PNPT1: variants seen among roughly 807,000 people sequenced by gnomAD.
PNPT1 encodes the protein polyribonucleotide nucleotidyltransferase 1, mitochondrial.
In PNPT1, 53 loss-of-function variants were observed where a neutral mutation model predicts 119.5. That is an observed-to-expected ratio of 0.44 (90% CI 0.36 to 0.56). PNPT1 has a LOEUF of 0.56. PNPT1 is among the 20% of genes least tolerant of loss of function. PNPT1 has a pLI of 0.00. For missense variants in PNPT1, 948 were observed against 938.5 expected (o/e 1.01, Z -0.13); for synonymous variants, 357 against 322.1 (o/e 1.11, Z -1.16).
intron 4 of PNPT1, among the ~76,000 whole-genome samples, chr2:55,684,176 G>A (rs1398785672): frequency 1.3e-5 from 2 of 152,200 alleles, no homozygotes; most frequent in Non-Finnish European, 2.9e-5. Context: ...TGTGTCTGAA[G>A]ACTGTATATA....
chr2:55,649,542 T>C (rs576948381), intron 18 of PNPT1, among the ~76,000 whole-genome samples: 1 of 152,326 alleles, frequency 6.6e-6, no homozygotes, highest in South Asian at 2.1e-4. Flanking sequence ...CTGGCAACAA[T>C]CTCCCTGTCT....
rs1231986883 is a variant in PNPT1, at chr2:55,646,242, C to G, written c.1738+17G>C. The G allele has an allele frequency of 2.5e-6, 4 of 1,601,342 alleles. No homozygotes were observed. Among genetic ancestry groups the G allele is most frequent in the Admixed American group, 3.4e-5 (2 of 59,012 alleles). ...AAGTGGAAAAGAATGAAGGGAGAAT[C>G]AAGCACACTAGCTCACCTGAAGCTT... On this transcript the variant is annotated intron_variant, in intron 21 of 27. Transcript: ENST00000447944.
intron 3 of PNPT1, among the ~76,000 whole-genome samples, chr2:55,685,867 G>T (rs551190488): frequency 2.6e-5 from 4 of 152,182 alleles, no homozygotes; most frequent in African/African-American, 9.6e-5. Context: ...ATCATCTCTA[G>T]ATTACATATA....
In PNPT1 at chr2:55,673,149, C is replaced by G. The variant is rs1696966809; in HGVS notation, c.680-70G>C. 5.2e-6 allele frequency: 6 copies of G among 1,160,384 alleles called. No homozygotes were observed. The East Asian group carries it at 1.5e-4, about 29-fold the overall frequency. 71.9% of individuals were successfully genotyped at this position (1,160,384 alleles called of 1,614,324 possible). A position where few individuals can be genotyped will look rare whatever the true frequency, so the allele number is the denominator to read the frequency against. On this transcript the variant is annotated intron_variant, in intron 8 of 27. Transcript: ENST00000447944. ...CTTAGTAATATAACATTTTCAAATA[C>G]CATGACATGACATAAATATTATGGA...
intron 12 of PNPT1, 74 bp downstream of exon 12, chr2:55,667,788 A>T (rs1168683267): frequency 1.3e-6 from 2 of 1,532,252 alleles, no homozygotes; most frequent in South Asian, 1.2e-5. Flanking sequence ...ACTTTCTTTG[A>T]TCAAGTTTCC....
chr2:55,657,598 C>T (rs939445858), intron 15 of PNPT1, among the ~76,000 whole-genome samples: 1 of 151,342 alleles, frequency 6.6e-6, no homozygotes, highest in African/African-American at 2.4e-5. Flanking sequence ...GTTGGTCAGG[C>T]TGGTCTTGAA....
intron 26 of PNPT1, 119 bp from the exon 27 acceptor site, chr2:55,637,718 T>C: frequency 6.1e-6 from 5 of 822,866 alleles, no homozygotes; most frequent in South Asian, 1.6e-5. Flanking sequence ...AGTTAGCGGC[T>C]GGGCGCAGTG....
chr2:55,644,611 A>T lies in PNPT1; in HGVS notation c.1906+26T>A, dbSNP rs777617240. On this transcript the variant is annotated intron_variant, in intron 23 of 27. Transcript: ENST00000447944. ...TTTATGGTCTAGCATTTAATTAAAAAACCCCAAACTTCATACAACTCTTAC... is the reference window on the plus strand; with the variant it reads ...TTTATGGTCTAGCATTTAATTAAAATACCCCAAACTTCATACAACTCTTAC... 1.0e-4 allele frequency: 159 copies of T among 1,543,674 alleles called. 1 individual carries two copies. The highest frequency in any genetic ancestry group is 1.3e-4 in the Non-Finnish European group (150 of 1,120,512).
chr2:55,659,573 G>C (rs181791861), intron 15 of PNPT1, among the ~76,000 whole-genome samples: 56 of 150,686 alleles, frequency 3.7e-4, no homozygotes, highest in Admixed American at 1.2e-3. Context: ...TAACTTTTAC[G>C]TATGACTTAG....
At chr2:55,686,526 C>G (rs1348806006) in intron 2 of PNPT1, 82 bp from the exon 3 acceptor site, 2 of 972,916 alleles carry the variant, frequency 2.1e-6, no homozygotes, top group Admixed American at 5.2e-5. Context: ...AATCCTTACT[C>G]CAATTAAACT....
chr2:55,661,091 CTTTTTTTTTTTTTTTT>C (rs1171064705), intron 14 of PNPT1, among the ~76,000 whole-genome samples: 2 of 71,622 alleles, frequency 2.8e-5, no homozygotes, highest in South Asian at 9.4e-4. Flanking sequence ...AATAGAGATT[CTTTTTTTTTTTTTTTT>C]TTTTTTTTGA....
chr2:55,660,515 C>T (rs562971555), intron 14 of PNPT1, among the ~76,000 whole-genome samples: 1 of 152,204 alleles, frequency 6.6e-6, no homozygotes, highest in African/African-American at 2.4e-5. Context: ...AATGCTATAC[C>T]CACGTTAGTT....
rs1176876470 is a variant in PNPT1 at position 55,637,568 on chromosome 2, A to G, written c.2180T>C (p.Val727Ala). ...IKHPTALGLEVGQEIQVKYFG... is the reference protein window; with the variant it reads ...IKHPTALGLEAGQEIQVKYFG... Reference sequence around the variant, plus strand: ...TACAAATACCTGAATTTCTTGGCCAACTTCTAATCCTAGGGCAGTAGGATG... The same window carrying G: ...TACAAATACCTGAATTTCTTGGCCAGCTTCTAATCCTAGGGCAGTAGGATG... Residue 727 changes from valine (V) to alanine (A), a missense_variant, in exon 27 of 28, where the codon GTT becomes GCT. Transcript: ENST00000447944. The G allele has an allele frequency of 6.2e-7, 1 of 1,605,562 alleles. No individual in the cohort carries two copies. Among genetic ancestry groups the G allele is most frequent in the Non-Finnish European group, 8.5e-7 (1 of 1,172,250 alleles).
At chr2:55,679,085 T>C (rs1383229134) in intron 8 of PNPT1, among the ~76,000 whole-genome samples, 1 of 152,202 alleles carries the variant, frequency 6.6e-6, no homozygotes, top group Non-Finnish European at 1.5e-5. Context: ...TCATTCTGAC[T>C]GCTAAAGCCC....
intron 27 of PNPT1, among the ~76,000 whole-genome samples, chr2:55,636,595 AGTT>A (rs1207815496): frequency 1.3e-5 from 2 of 152,250 alleles, no homozygotes; most frequent in Non-Finnish European, 2.9e-5. Context: ...CGGGGCAGTT[AGTT>A]GTTCAACTAT....
At chr2:55,655,791 A>C (rs1230865042) in intron 17 of PNPT1, among the ~76,000 whole-genome samples, 1 of 152,164 alleles carries the variant, frequency 6.6e-6, no homozygotes, top group African/African-American at 2.4e-5. Context: ...ATTCATGTGG[A>C]TATGTGACAG....
At chr2:55,680,829 AT>A (rs756324722) in intron 6 of PNPT1, 25 bp downstream of exon 6, 5 of 1,612,610 alleles carry the variant, frequency 3.1e-6, no homozygotes, top group Non-Finnish European at 4.2e-6. Context: ...TAATCTGATA[AT>A]TTTAATCTCT....
intron 8 of PNPT1, among the ~76,000 whole-genome samples, chr2:55,678,603 A>T (rs1420235619): frequency 6.6e-6 from 1 of 152,224 alleles, no homozygotes; most frequent in Non-Finnish European, 1.5e-5. Context: ...CATAAGCATG[A>T]AGACGAGGCC....
At chr2:55,653,974 A>G (rs1696296921) in intron 18 of PNPT1, among the ~76,000 whole-genome samples, 1 of 152,102 alleles carries the variant, frequency 6.6e-6, no homozygotes. Flanking sequence ...AGAATCTCCT[A>G]GCGGCCAGGT....
Sources: allele counts gnomAD v4.1 joint callset (sites outside exome capture counted in the v4.1 genomes callset), GRCh38; gene constraint gnomAD v4.1.1; transcripts MANE v1.5; gene names NCBI Gene and HGNC (gene_info 2026-07-23, HGNC 2026-07-21).